TMPRSS11A: variants seen among roughly 807,000 people sequenced by gnomAD.
TMPRSS11A encodes transmembrane protease serine 11A.
TMPRSS11A carries 53 observed loss-of-function variants against 58.9 expected under a neutral mutation model. That is an observed-to-expected ratio of 0.90 (90% confidence interval 0.72 to 1.13). TMPRSS11A has a LOEUF of 1.13. Ranked by LOEUF, TMPRSS11A falls within the 50% of genes most tolerant of loss-of-function variation. The probability of loss-of-function intolerance (pLI) is 0.00; values close to 1 mark genes in which losing one functional copy is unlikely to be tolerated. For missense variants in TMPRSS11A, 493 were observed against 499.3 expected (o/e 0.99, Z 0.12); for synonymous variants, 167 against 169.8 (o/e 0.98, Z 0.13).
chr4:67,925,629 G>A (rs1475508209), intron 5 of TMPRSS11A, among the ~76,000 whole-genome samples: 3 of 152,168 alleles, frequency 2.0e-5, no homozygotes, highest in Non-Finnish European at 2.9e-5. Flanking sequence ...CAGGACCATC[G>A]ATTGCTGTTA....
chr4:67,933,965 T>C (rs1560568367), intron 3 of TMPRSS11A, among the ~76,000 whole-genome samples: 1 of 152,192 alleles, frequency 6.6e-6, no homozygotes, highest in Non-Finnish European at 1.5e-5. Flanking sequence ...ACATCATCAA[T>C]CTGGCACCGT....
intron 6 of TMPRSS11A, 46 bp from the exon 7 acceptor site, chr4:67,922,972 T>C (rs1449312908): frequency 6.3e-7 from 1 of 1,593,358 alleles, no homozygotes; most frequent in African/African-American, 1.3e-5. Context: ...ATCTTGTAAT[T>C]ACAGGAAATG....
intron 3 of TMPRSS11A, among the ~76,000 whole-genome samples, chr4:67,940,241 G>C (rs991385152): frequency 6.6e-6 from 1 of 152,104 alleles, no homozygotes; most frequent in African/African-American, 2.4e-5. Context: ...GGGTAATGCT[G>C]ACTTCATAGA....
intron 5 of TMPRSS11A, among the ~76,000 whole-genome samples, chr4:67,926,697 C>G (rs992911882): frequency 6.6e-6 from 1 of 152,202 alleles, no homozygotes; most frequent in Non-Finnish European, 1.5e-5. Context: ...TCCTTGGAGC[C>G]CATCCCTGGG....
Position 67,926,943 on chromosome 4 carries a change from A to G in TMPRSS11A, c.482-2777T>C, listed in dbSNP as rs142556952. 1.0e-2 allele frequency among the ~76,000 whole-genome samples: 1,518 copies of G among 152,256 alleles called. 24 individuals are homozygous for G. The highest frequency in any genetic ancestry group is 0.034 in the African/African-American group (1,428 of 41,548). ...CTGTGTGCTGAAAGCTGAACACTCAACAGGACAACCTGCCTGCAGAGAGGA... is the reference window on the plus strand; with the variant it reads ...CTGTGTGCTGAAAGCTGAACACTCAGCAGGACAACCTGCCTGCAGAGAGGA... On this transcript the variant is annotated intron_variant, in intron 5 of 9. Transcript: ENST00000508048.
In TMPRSS11A at chr4:67,910,128, G is replaced by A. The variant is rs886716656; in HGVS notation, c.*1214C>T. On this transcript the variant is annotated 3_prime_UTR_variant, in exon 10 of 10. Transcript: ENST00000508048. ...TTTAATTGTATTACGAAATACATGA[G>A]CCTTACTCTCCTAATGACTTCAGGA... The A allele has an allele frequency of 3.9e-5, 6 of 151,918 alleles. No homozygotes were observed. The highest frequency in any genetic ancestry group is 7.4e-5 in the Non-Finnish European group (5 of 67,920). The allele number at this position is 151,918 out of a possible 1,614,324, so 9.4% of individuals were successfully genotyped here.
chr4:67,915,812 C>T (rs934861538), intron 8 of TMPRSS11A, among the ~76,000 whole-genome samples: 8 of 152,138 alleles, frequency 5.3e-5, no homozygotes, highest in Admixed American at 5.2e-4. Flanking sequence ...TTTGGTGAGA[C>T]CCTGAGAAGA....
At chr4:67,953,063 A>G (rs959777347) in intron 1 of TMPRSS11A, among the ~76,000 whole-genome samples, 1 of 152,072 alleles carries the variant, frequency 6.6e-6, no homozygotes, top group African/African-American at 2.4e-5. Flanking sequence ...GGAGCATGTA[A>G]CCTGGGTCCC....
At chr4:67,945,393 A>C (rs1273354283) in intron 2 of TMPRSS11A, among the ~76,000 whole-genome samples, 2 of 152,198 alleles carry the variant, frequency 1.3e-5, no homozygotes, top group African/African-American at 4.8e-5. Flanking sequence ...TCGAGACTAC[A>C]AACCAAGGAA....
At chr4:67,959,691 C>A (rs1721377070) in intron 1 of TMPRSS11A, among the ~76,000 whole-genome samples, 1 of 152,150 alleles carries the variant, frequency 6.6e-6, no homozygotes, top group Admixed American at 6.6e-5. Context: ...GGCAAGGCTG[C>A]AGAGAAAAGG....
intron 7 of TMPRSS11A, 107 bp from the exon 8 acceptor site, chr4:67,919,339 T>C (rs1164728839): frequency 1.0e-6 from 1 of 984,040 alleles, no homozygotes; most frequent in Non-Finnish European, 1.5e-6. Flanking sequence ...CTGAGAATAC[T>C]TGGCTGCAGT....
At chr4:67,943,443 T>C (rs2109759935) in intron 3 of TMPRSS11A, among the ~76,000 whole-genome samples, 1 of 152,306 alleles carries the variant, frequency 6.6e-6, no homozygotes, top group Admixed American at 6.5e-5. Flanking sequence ...AGTTAAGAGT[T>C]TTCTCTTTTT....
Position 67,919,139 on chromosome 4 carries a change from C to G in TMPRSS11A, c.786G>C (p.Glu262Asp), listed in dbSNP as rs1218023015. 4 of 1,614,034 alleles carry G rather than the reference C, an allele frequency of 2.5e-6. No homozygotes were observed. The African/African-American group carries it at 4.0e-5, about 16-fold the overall frequency. Residue 262 changes from glutamate (E) to aspartate (D), a missense_variant, in exon 8 of 10, where the codon GAG (glutamate) becomes GAC (aspartate). By Grantham distance (45) the Glu-to-Asp change is conservative. Transcript: ENST00000508048. ...KRNVRRFIIH[E>D]KYRSAAREYD... ...ACTCTCTTGCTGCAGAGCGGTACTT[C>G]TCATGGATAATAAATCTTCTGACAT...
chr4:67,913,844 C>A (rs1720070568), intron 9 of TMPRSS11A, among the ~76,000 whole-genome samples: 1 of 152,228 alleles, frequency 6.6e-6, no homozygotes, highest in Non-Finnish European at 1.5e-5. Flanking sequence ...ACCATTCCAT[C>A]ATTTCCACAT....
intron 5 of TMPRSS11A, among the ~76,000 whole-genome samples, chr4:67,926,269 A>G (rs937041687): frequency 6.6e-6 from 1 of 152,198 alleles, no homozygotes; most frequent in African/African-American, 2.4e-5. Context: ...TTGACAAATT[A>G]TAAATAAATC....
chr4:67,933,149 C>T (rs1175991119), intron 3 of TMPRSS11A, among the ~76,000 whole-genome samples: 2 of 151,956 alleles, frequency 1.3e-5, no homozygotes, highest in Non-Finnish European at 2.9e-5. Flanking sequence ...AAAGCTGTTT[C>T]AGGGATCAAG....
intron 3 of TMPRSS11A, among the ~76,000 whole-genome samples, chr4:67,942,185 C>G (rs1427342108): frequency 1.3e-5 from 2 of 152,156 alleles, no homozygotes; most frequent in African/African-American, 4.8e-5. Flanking sequence ...CTACTTTATA[C>G]ATATTAGGGT....
chr4:67,948,269 C>T (rs1721075852), intron 1 of TMPRSS11A, among the ~76,000 whole-genome samples: 1 of 150,256 alleles, frequency 6.7e-6, no homozygotes, highest in Non-Finnish European at 1.5e-5. Flanking sequence ...CGCCATTCTC[C>T]TGCCTCAGCC....
chr4:67,914,778 G>T (rs747875873), intron 8 of TMPRSS11A, 48 bp from the exon 9 acceptor site: 1 of 1,542,370 alleles, frequency 6.5e-7, no homozygotes, highest in Non-Finnish European at 8.9e-7. Context: ...AGCATCTTTG[G>T]CTAGAGTGAA....
Sources: allele counts gnomAD v4.1 joint callset (sites outside exome capture counted in the v4.1 genomes callset), GRCh38; gene constraint gnomAD v4.1.1; transcripts MANE v1.5; gene names NCBI Gene and HGNC (gene_info 2026-07-23, HGNC 2026-07-21).